Variants in SPECC1L observed in about 807,000 individuals in gnomAD.
The protein encoded by SPECC1L is sperm antigen with calponin homology and coiled-coil domains 1 like, also known as cytospin-A.
SPECC1L carries 40 observed loss-of-function variants against 116.8 expected under a neutral mutation model. The ratio of observed to expected loss-of-function variants is 0.34; its 90% confidence interval spans 0.27 to 0.45. The LOEUF is 0.45. SPECC1L is among the 20% of genes least tolerant of loss of function. The pLI is 1.00. For missense variants in SPECC1L, 1,110 were observed against 1,373.6 expected (o/e 0.81, Z 3.03); for synonymous variants, 504 against 500.6 (o/e 1.01, Z -0.09).
chr22:24,380,779 A>G (rs1028317824), intron 14 of SPECC1L, among the ~76,000 whole-genome samples: 36 of 152,234 alleles, frequency 2.4e-4, no homozygotes, highest in African/African-American at 8.4e-4. Context: ...ACAAGGATAA[A>G]TGGCTGCCTC....
intron 11 of SPECC1L, among the ~76,000 whole-genome samples, chr22:24,360,738 G>A (rs1373612799): frequency 1.3e-5 from 2 of 152,056 alleles, no homozygotes; most frequent in Non-Finnish European, 2.9e-5. Context: ...GTTCTTCTTT[G>A]GGAGACTAAA....
chr22:24,327,990 T>TTG (rs2040864638), intron 6 of SPECC1L, among the ~76,000 whole-genome samples: 1 of 152,224 alleles, frequency 6.6e-6, no homozygotes, highest in Non-Finnish European at 1.5e-5. Context: ...TTCTTGCCCT[T>TTG]AACCAAAAAG....
In SPECC1L at chr22:24,411,645, C is replaced by T; in HGVS notation, c.3145C>T (p.Leu1049Phe). 1 of 1,614,154 alleles carries T rather than the reference C, an allele frequency of 6.2e-7. No individual in the cohort carries two copies. The highest frequency in any genetic ancestry group is 8.5e-7 in the Non-Finnish European group (1 of 1,180,046). ...GAATGATGGGCTGGCCTTCTGTGCC[C>T]TCCTGCATACATATCTCCCTGCCCA... ...SWNDGLAFCA[L>F]LHTYLPAHIP... The change falls in exon 15 of 17, where the codon CTC becomes TTC. Residue 1049 changes from leucine to phenylalanine, a missense_variant. Around this residue, in one of 4 missense-constraint regions of SPECC1L, gnomAD observed 76 missense variants for 148.5 expected, o/e 0.51. Coordinates refer to ENST00000314328, the MANE Select transcript of SPECC1L (RefSeq NM_015330.6).
intron 2 of SPECC1L, among the ~76,000 whole-genome samples, chr22:24,300,742 C>CT (rs2146399594): frequency 6.6e-6 from 1 of 151,654 alleles, no homozygotes; most frequent in East Asian, 1.9e-4. Context: ...GATATACAGA[C>CT]TAATAGAACA....
intron 3 of SPECC1L, among the ~76,000 whole-genome samples, chr22:24,309,110 A>G (rs1569414511): frequency 6.6e-6 from 1 of 152,000 alleles, no homozygotes; most frequent in Non-Finnish European, 1.5e-5. Context: ...CAAGACCTGG[A>G]GGTTAGATGT....
chr22:24,312,990 G>T (rs962819528), intron 3 of SPECC1L, among the ~76,000 whole-genome samples: 2 of 152,160 alleles, frequency 1.3e-5, no homozygotes, highest in African/African-American at 4.8e-5. Context: ...GACACTTCCT[G>T]TGGCATTATA....
chr22:24,323,107 C>T, intron 5 of SPECC1L, 189 bp downstream of exon 5: 2 of 982,162 alleles, frequency 2.0e-6, no homozygotes, highest in South Asian at 4.7e-5. Flanking sequence ...AAGATAATGT[C>T]ACTTTCTCTC....
intron 14 of SPECC1L, among the ~76,000 whole-genome samples, chr22:24,371,437 G>A (rs1241120275): frequency 6.6e-6 from 1 of 152,154 alleles, no homozygotes; most frequent in Non-Finnish European, 1.5e-5. Context: ...GCATCGGGAG[G>A]CCCTATCTCT....
intron 14 of SPECC1L, among the ~76,000 whole-genome samples, chr22:24,391,553 C>G (rs1183483904): frequency 6.6e-6 from 1 of 152,176 alleles, no homozygotes; most frequent in Non-Finnish European, 1.5e-5. Flanking sequence ...GCCTTGTATA[C>G]AGCACCAGTC....
intron 14 of SPECC1L, among the ~76,000 whole-genome samples, chr22:24,402,951 C>T (rs1330690286): frequency 1.3e-5 from 2 of 152,176 alleles, no homozygotes; most frequent in Non-Finnish European, 2.9e-5. Context: ...CCTAAGGCCA[C>T]AGACAGAAGG....
intron 2 of SPECC1L, among the ~76,000 whole-genome samples, chr22:24,298,146 A>G (rs534114262): frequency 1.6e-4 from 24 of 152,296 alleles, no homozygotes; most frequent in Admixed American, 2.0e-4. Context: ...GAGGTGTTCA[A>G]TACTTTATTA....
intron 2 of SPECC1L, among the ~76,000 whole-genome samples, chr22:24,297,373 T>C (rs1356519804): frequency 6.6e-6 from 1 of 152,212 alleles, no homozygotes; most frequent in Non-Finnish European, 1.5e-5. Flanking sequence ...GGAATTAGTC[T>C]AGACTTTGAA....
At chr22:24,320,505 G>C (rs2040700066) in intron 4 of SPECC1L, among the ~76,000 whole-genome samples, 1 of 152,148 alleles carries the variant, frequency 6.6e-6, no homozygotes, top group African/African-American at 2.4e-5. Flanking sequence ...GAACCAGACT[G>C]CCTGGGTTTC....
At chr22:24,283,192 C>G (rs2048978698) in intron 2 of SPECC1L, among the ~76,000 whole-genome samples, 1 of 152,254 alleles carries the variant, frequency 6.6e-6, no homozygotes, top group South Asian at 2.1e-4. Flanking sequence ...CATTCTCCTG[C>G]GTCAGCCTCA....
chr22:24,291,185 A>G (rs2049149067), intron 2 of SPECC1L, among the ~76,000 whole-genome samples: 1 of 152,224 alleles, frequency 6.6e-6, no homozygotes, highest in African/African-American at 2.4e-5. Flanking sequence ...GGGTATTGAT[A>G]GGCATAAAAA....
At chr22:24,273,992 A>T (rs1312930458) in intron 1 of SPECC1L, among the ~76,000 whole-genome samples, 1 of 152,230 alleles carries the variant, frequency 6.6e-6, no homozygotes, top group Non-Finnish European at 1.5e-5. Context: ...TCCCGACCTC[A>T]GGTGATCCGC....
intron 10 of SPECC1L, among the ~76,000 whole-genome samples, chr22:24,342,287 G>A (rs999214035): frequency 2.0e-5 from 3 of 152,182 alleles, no homozygotes; most frequent in East Asian, 1.9e-4. Context: ...AGAAATGATA[G>A]GATTAGCATG....
intron 2 of SPECC1L, among the ~76,000 whole-genome samples, chr22:24,298,974 A>G (rs192768360): frequency 1.2e-3 from 181 of 152,340 alleles, no homozygotes; most frequent in African/African-American, 4.1e-3. Flanking sequence ...TGAAGAATCA[A>G]TCACATTATT....
chr22:24,363,480 GCCTTCCA>G, intron 12 of SPECC1L, 136 bp downstream of exon 12: 1 of 781,046 alleles, frequency 1.3e-6, no homozygotes, highest in Non-Finnish European at 2.2e-6. Flanking sequence ...TCTCACCTTG[GCCTTCCA>G]AAGTGCTGGG....
Sources: gnomAD v4.1 joint callset for allele counts (sites outside exome capture counted in the v4.1 genomes callset) on GRCh38, gnomAD v4.1.1 for gene constraint, gnomAD v4.1.1 regional missense constraint, MANE v1.5 for transcripts, NCBI Gene and HGNC (gene_info 2026-07-23, HGNC 2026-07-21) for gene names.